The following TLK1 variants were observed in gnomAD, a reference collection of about 807,000 sequenced individuals.
The protein encoded by TLK1 is tousled like kinase 1.
Under a neutral mutation model 105.3 loss-of-function variants are expected in TLK1, and 24 were observed. The observed-to-expected ratio is 0.23, with a 90% CI of 0.17 to 0.32. The LOEUF is 0.32. Among genes scored for constraint, TLK1 ranks in the 10% least tolerant of loss-of-function variants. The probability of loss-of-function intolerance (pLI) is 1.00; values close to 1 mark genes in which losing one functional copy is unlikely to be tolerated. For synonymous variants in TLK1, 321 were observed against 310.4 expected (o/e 1.03, Z -0.36); for missense variants, 558 against 910.5 (o/e 0.61, Z 4.98).
intron 3 of TLK1, chr2:171,066,715 T>C: frequency 2.2e-6 from 2 of 924,094 alleles, no homozygotes; most frequent in South Asian, 2.0e-5. Flanking sequence ...TGTTATTTTC[T>C]TATCACTTAC....
In TLK1 at chr2:171,014,925, T is replaced by C. The variant is rs41268695; in HGVS notation, c.1260A>G (p.Glu420=). The C allele has an allele frequency of 7.7e-5, 124 of 1,613,958 alleles. No homozygotes were observed. Among genetic ancestry groups the C allele is most frequent in the Non-Finnish European group, 9.7e-5 (114 of 1,179,880 alleles). ...TTCTGACTCTTTCCAAACGTTCAAG[T>C]TCTGCCTGGATTTCTGCCTCTTCCT... ...LKKEEAEIQA[E]LERLERVRNL... The change falls in exon 13 of 21, where the codon GAA becomes GAG. Residue 420 remains glutamate, a synonymous_variant. Coordinates refer to ENST00000431350, the MANE Select transcript of TLK1 (RefSeq NM_012290.5).
chr2:171,002,095 G>C (rs1684406245), intron 18 of TLK1, among the ~76,000 whole-genome samples: 1 of 151,552 alleles, frequency 6.6e-6, no homozygotes, highest in Non-Finnish European at 1.5e-5. Flanking sequence ...TTTCTTAATA[G>C]CATCTGGGAA....
chr2:171,007,471 ATTTC>A (rs1684700926), intron 14 of TLK1, among the ~76,000 whole-genome samples: 1 of 151,788 alleles, frequency 6.6e-6, no homozygotes, highest in Admixed American at 6.6e-5. Flanking sequence ...GCAACCCCCT[ATTTC>A]TTTCTCACTT....
chr2:171,138,296 C>T (rs1011944323), intron 1 of TLK1, among the ~76,000 whole-genome samples: 1 of 152,176 alleles, frequency 6.6e-6, no homozygotes, highest in Admixed American at 6.5e-5. Context: ...TACTAATATA[C>T]TTACAACGAC....
intron 12 of TLK1, among the ~76,000 whole-genome samples, chr2:171,023,645 A>G (rs1462469448): frequency 6.6e-6 from 1 of 152,212 alleles, no homozygotes; most frequent in African/African-American, 2.4e-5. Context: ...AGACATAGTT[A>G]CTGGACCTAA....
chr2:171,166,166 C>T (rs1692605536), intron 1 of TLK1, among the ~76,000 whole-genome samples: 1 of 152,244 alleles, frequency 6.6e-6, no homozygotes, highest in South Asian at 2.1e-4. Flanking sequence ...TAAGCATTCA[C>T]CAGCACACCA....
At chr2:171,115,892 T>C (rs1690404248) in intron 2 of TLK1, among the ~76,000 whole-genome samples, 1 of 152,238 alleles carries the variant, frequency 6.6e-6, no homozygotes, top group Admixed American at 6.5e-5. Context: ...TCATCTTTTA[T>C]GTTTGTGAGC....
chr2:171,091,298 A>G (rs1349860043), intron 2 of TLK1, among the ~76,000 whole-genome samples: 1 of 152,194 alleles, frequency 6.6e-6, no homozygotes, highest in African/African-American at 2.4e-5. Flanking sequence ...ATATGGGTTA[A>G]GAGGGAATAT....
intron 1 of TLK1, among the ~76,000 whole-genome samples, chr2:171,141,304 T>A (rs1176857037): frequency 6.6e-6 from 1 of 152,324 alleles, no homozygotes; most frequent in Non-Finnish European, 1.5e-5. Context: ...CATCTGCCAA[T>A]AGAGTAACTA....
chr2:171,114,077 T>C (rs1690301101), intron 2 of TLK1, among the ~76,000 whole-genome samples: 2 of 152,232 alleles, frequency 1.3e-5, no homozygotes, highest in Admixed American at 1.3e-4. Context: ...TAAAATATAT[T>C]ATGGAATCTT....
At chr2:171,072,035 T>G (rs928104064) in intron 3 of TLK1, among the ~76,000 whole-genome samples, 2 of 152,216 alleles carry the variant, frequency 1.3e-5, no homozygotes, top group African/African-American at 2.4e-5. Context: ...GTAATGTGAT[T>G]CGTCTGGTTT....
At chr2:171,127,483 C>A (rs1690919246) in intron 1 of TLK1, among the ~76,000 whole-genome samples, 1 of 151,954 alleles carries the variant, frequency 6.6e-6, no homozygotes, top group South Asian at 2.1e-4. Context: ...CAGTTTGATT[C>A]CCTACTTTAA....
chr2:171,059,814 T>G (rs1687663428), intron 4 of TLK1: 1 of 722,626 alleles, frequency 1.4e-6, no homozygotes, highest in African/African-American at 1.7e-5. Context: ...CCTGGATCCC[T>G]TGCATGTGCA....
intron 8 of TLK1, 77 bp downstream of exon 8, chr2:171,053,684 C>T: frequency 8.4e-7 from 1 of 1,189,388 alleles, no homozygotes; most frequent in South Asian, 1.5e-5. Context: ...TTTTACAATG[C>T]TAAGTATTTT....
In TLK1 at chr2:171,080,320, C is replaced by T. The variant is rs1410162162; in HGVS notation, c.330+2461G>A. ...CCAAAAGAATAGTGACATCAGAAGA[C>T]AATGAAATACTTCATAAACTTTACT... On this transcript the variant is annotated intron_variant, in intron 3 of 20. Coordinates refer to ENST00000431350, the MANE Select transcript of TLK1 (RefSeq NM_012290.5). Among the ~76,000 whole-genome samples the T allele has an allele frequency of 5.3e-5, 8 of 151,586 alleles. No individual in the cohort carries two copies. In the South Asian group the frequency reaches 6.2e-4, roughly 12 times the overall value.
chr2:171,156,562 T>C (rs1692242403), intron 1 of TLK1, among the ~76,000 whole-genome samples: 1 of 152,248 alleles, frequency 6.6e-6, no homozygotes, highest in South Asian at 2.1e-4. Flanking sequence ...CTGGTTTCTC[T>C]CTTTTATCTC....
At chr2:171,189,548 C>A (rs1693102670) in intron 1 of TLK1, among the ~76,000 whole-genome samples, 1 of 152,218 alleles carries the variant, frequency 6.6e-6, no homozygotes, top group Middle Eastern at 3.4e-3. Flanking sequence ...ATAGGCCAAC[C>A]AATTTTTAAA....
At chr2:171,219,813 CT>C (rs1693775484) in intron 1 of TLK1, among the ~76,000 whole-genome samples, 2 of 152,254 alleles carry the variant, frequency 1.3e-5, no homozygotes, top group East Asian at 3.9e-4. Context: ...GTTGGCCAGG[CT>C]AGTCTCAAAC....
At chr2:171,157,021 G>T (rs1692265163) in intron 1 of TLK1, among the ~76,000 whole-genome samples, 1 of 152,038 alleles carries the variant, frequency 6.6e-6, no homozygotes, top group Non-Finnish European at 1.5e-5. Flanking sequence ...GTCCAGGCTG[G>T]TCTTGAACTC....
Sources: allele counts gnomAD v4.1 joint callset (sites outside exome capture counted in the v4.1 genomes callset), GRCh38; gene constraint gnomAD v4.1.1; transcripts MANE v1.5; gene names NCBI Gene and HGNC (gene_info 2026-07-23, HGNC 2026-07-21).